SNX18: variants seen among roughly 807,000 people sequenced by gnomAD.
SNX18 encodes the protein sorting nexin 18.
In SNX18, 35 loss-of-function variants were observed where a neutral mutation model predicts 48.7. The observed-to-expected ratio is 0.72, with a 90% CI of 0.55 to 0.95. SNX18 has a LOEUF of 0.95. Ranked by LOEUF, SNX18 falls within the 40% of genes least tolerant of loss-of-function variation. The pLI is 0.00. For synonymous variants in SNX18, 492 were observed against 384.7 expected (o/e 1.28, Z -3.26); for missense variants, 824 against 871.0 (o/e 0.95, Z 0.68).
the SNX18 span, among the ~76,000 whole-genome samples, chr5:54,556,766 G>C: frequency 6.6e-6 from 1 of 152,088 alleles, no homozygotes; most frequent in Non-Finnish European, 1.5e-5. Flanking sequence ...GCAGGATTGG[G>C]GGGTATGCAC....
chr5:54,637,081 G>T, the SNX18 span, among the ~76,000 whole-genome samples: 1 of 152,166 alleles, frequency 6.6e-6, no homozygotes, highest in Non-Finnish European at 1.5e-5. Flanking sequence ...GCAAATTCTA[G>T]TTCAGTGTGG....
chr5:54,638,170 G>T, the SNX18 span, among the ~76,000 whole-genome samples: 58 of 152,194 alleles, frequency 3.8e-4, no homozygotes, highest in African/African-American at 1.1e-3. Context: ...TGCATAGATA[G>T]TATGTTGACT....
chr5:54,559,517 C>G, the SNX18 span, among the ~76,000 whole-genome samples: 8 of 152,096 alleles, frequency 5.3e-5, no homozygotes, highest in African/African-American at 1.9e-4. Context: ...AACTGGCTAG[C>G]CACATGCAGA....
chr5:54,575,909 T>C, the SNX18 span, among the ~76,000 whole-genome samples: 2 of 152,190 alleles, frequency 1.3e-5, no homozygotes, highest in African/African-American at 4.8e-5. Flanking sequence ...TCTTCTTATT[T>C]CTTCATAAAC....
At chr5:54,589,950 C>A in the SNX18 span, among the ~76,000 whole-genome samples, 1 of 152,170 alleles carries the variant, frequency 6.6e-6, no homozygotes, top group African/African-American at 2.4e-5. Context: ...CAACCATGAC[C>A]AGCTAATTTT....
chr5:54,575,320 A>C, the SNX18 span, among the ~76,000 whole-genome samples: 34 of 146,060 alleles, frequency 2.3e-4, no homozygotes, highest in African/African-American at 8.6e-4. Flanking sequence ...AATAAGAATT[A>C]TTTTGAGCTG....
chr5:54,518,085 C>T lies in SNX18; in HGVS notation c.133C>T (p.Arg45Cys). 1 of 1,527,338 alleles carries T rather than the reference C, an allele frequency of 6.5e-7. No homozygotes were observed. The highest frequency in any genetic ancestry group is 1.2e-5 in the South Asian group (1 of 82,304). The allele number at this position is 1,527,338 out of a possible 1,614,324, so 94.6% of individuals were successfully genotyped here. A position where few individuals can be genotyped will look rare whatever the true frequency, so the allele number is the denominator to read the frequency against. ...GGGCTGGCTCGAGGGGGTCAACAGCCGCGGCGACCGCGGCCTCTTCCCGGC... is the reference window on the plus strand; with the variant it reads ...GGGCTGGCTCGAGGGGGTCAACAGCTGCGGCGACCGCGGCCTCTTCCCGGC... Reference protein sequence around the residue: ...IEGWLEGVNSRGDRGLFPASY... With the variant: ...IEGWLEGVNSCGDRGLFPASY... Residue 45 changes from arginine (R) to cysteine (C), a missense_variant, in exon 1 of 2, where the codon CGC becomes TGC. This residue lies in a region of SNX18 where 377 missense variants were observed against 350.6 expected (regional missense o/e 1.08). Transcript: ENST00000381410.
At chr5:54,522,650 G>C (rs1044858186) in intron 1 of SNX18, among the ~76,000 whole-genome samples, 1 of 152,152 alleles carries the variant, frequency 6.6e-6, no homozygotes, top group East Asian at 1.9e-4. Flanking sequence ...TTTCAGTAGC[G>C]TGAGCATCTC....
At chr5:54,556,348 G>A in the SNX18 span, among the ~76,000 whole-genome samples, 1 of 152,086 alleles carries the variant, frequency 6.6e-6, no homozygotes, top group Non-Finnish European at 1.5e-5. Context: ...GAGACTCTGC[G>A]GGAGAATCCA....
At chr5:54,585,196 G>C in the SNX18 span, among the ~76,000 whole-genome samples, 1 of 151,884 alleles carries the variant, frequency 6.6e-6, no homozygotes, top group African/African-American at 2.4e-5. Flanking sequence ...GGAGGCTGAG[G>C]TGGGAAGATT....
chr5:54,535,846 T>TC (rs1762343195), intron 1 of SNX18, among the ~76,000 whole-genome samples: 2 of 152,304 alleles, frequency 1.3e-5, no homozygotes, highest in Admixed American at 1.3e-4. Flanking sequence ...TGCCTTGCCT[T>TC]CCCCAGAGGG....
chr5:54,574,918 C>T, the SNX18 span, among the ~76,000 whole-genome samples: 2 of 152,186 alleles, frequency 1.3e-5, no homozygotes, highest in Non-Finnish European at 2.9e-5. Context: ...CCAAGAATTA[C>T]CCTTCCAGAG....
At chr5:54,530,726 A>G (rs1373226572) in intron 1 of SNX18, among the ~76,000 whole-genome samples, 3 of 144,356 alleles carry the variant, frequency 2.1e-5, no homozygotes, top group Non-Finnish European at 3.0e-5. Flanking sequence ...TTTTGCAGAC[A>G]GGAGCTGAAC....
the SNX18 span, among the ~76,000 whole-genome samples, chr5:54,619,295 G>C: frequency 6.6e-6 from 1 of 152,102 alleles, no homozygotes; most frequent in African/African-American, 2.4e-5. Context: ...TGGATTGCTT[G>C]AGCTCAGGAG....
chr5:54,623,881 C>T, the SNX18 span, among the ~76,000 whole-genome samples: 1 of 152,296 alleles, frequency 6.6e-6, no homozygotes, highest in East Asian at 1.9e-4. Flanking sequence ...AGATGCATCA[C>T]TCTTCCCTAT....
At chr5:54,539,269 G>T (rs80104660) in intron 1 of SNX18, among the ~76,000 whole-genome samples, 2,374 of 145,534 alleles carry the variant, frequency 0.016, 64 homozygotes, top group African/African-American at 0.057. Flanking sequence ...CTCCTGCTGG[G>T]TTACCTGGAT....
chr5:54,580,991 G>A, the SNX18 span, among the ~76,000 whole-genome samples: 33 of 152,260 alleles, frequency 2.2e-4, no homozygotes, highest in Middle Eastern at 6.8e-3. Flanking sequence ...CTTCATGGAG[G>A]AGGTAGGACT....
intron 1 of SNX18, among the ~76,000 whole-genome samples, chr5:54,538,305 G>A (rs1349191138): frequency 6.6e-6 from 1 of 152,194 alleles, no homozygotes. Flanking sequence ...TCAGAGCTTA[G>A]GAGCTCAGTG....
chr5:54,635,477 A>G, the SNX18 span, among the ~76,000 whole-genome samples: 291 of 152,204 alleles, frequency 1.9e-3, 2 homozygotes, highest in African/African-American at 6.8e-3. Flanking sequence ...GGCTTTAAGG[A>G]GTGGCACCAT....
Sources: allele counts gnomAD v4.1 joint callset (sites outside exome capture counted in the v4.1 genomes callset), GRCh38; gene constraint gnomAD v4.1.1; regional missense constraint gnomAD v4.1.1; transcripts MANE v1.5; gene names NCBI Gene and HGNC (gene_info 2026-07-23, HGNC 2026-07-21).